PCDH19: variants seen among roughly 807,000 people sequenced by gnomAD.
PCDH19 encodes protocadherin 19.
Under a neutral mutation model 46.2 loss-of-function variants are expected in PCDH19, and 6 were observed. The ratio of observed to expected loss-of-function variants is 0.13; its 90% CI spans 0.07 to 0.26. The LOEUF is 0.26. PCDH19 is among the 10% of genes least tolerant of loss of function. The pLI, the probability that PCDH19 is intolerant of heterozygous loss-of-function variation, is 1.00. For missense variants in PCDH19, 740 were observed against 972.3 expected (o/e 0.76, Z 3.18); for synonymous variants, 481 against 415.7 (o/e 1.16, Z -1.91).
chrX:100,326,397 A>C lies in PCDH19; in HGVS notation c.2848+15506T>G, dbSNP rs759696592. On this transcript the variant is annotated intron_variant, in intron 5 of 5. Coordinates refer to ENST00000373034, the MANE Select transcript of PCDH19 (RefSeq NM_001184880.2). Reference sequence around the variant, plus strand: ...TTCTTTGCAGTGTGGCTTTTTTAGAAAATAAACTAAAAATGAAAAATGCAT... The same window carrying C: ...TTCTTTGCAGTGTGGCTTTTTTAGACAATAAACTAAAAATGAAAAATGCAT... Among the ~76,000 whole-genome samples the C allele has an allele frequency of 1.8e-4, 20 of 112,321 alleles. No individual in the cohort carries two copies. The South Asian group carries it at 1.9e-3, about 11-fold the overall frequency.
At chrX:100,396,070 C>T (rs1334689377) in intron 3 of PCDH19, among the ~76,000 whole-genome samples, 1 of 111,379 alleles carries the variant, frequency 9.0e-6, no homozygotes, top group Non-Finnish European at 1.9e-5. Flanking sequence ...CTTGTAAAAA[C>T]GGCTTTATTT....
At chrX:100,373,852 G>A (rs765914039) in intron 3 of PCDH19, among the ~76,000 whole-genome samples, 21 of 112,997 alleles carry the variant, frequency 1.9e-4, no homozygotes, top group African/African-American at 5.8e-4. Context: ...AAGCCAGAGG[G>A]ATGGTCTCTT....
intron 5 of PCDH19, among the ~76,000 whole-genome samples, chrX:100,311,112 C>G (rs1266348589): frequency 9.0e-6 from 1 of 110,841 alleles, no homozygotes; most frequent in African/African-American, 3.3e-5. Flanking sequence ...TCAGGAGTAG[C>G]AGGGTTTACA....
intron 4 of PCDH19, among the ~76,000 whole-genome samples, chrX:100,347,373 C>A (rs1926436156): frequency 8.9e-6 from 1 of 111,771 alleles, no homozygotes; most frequent in South Asian, 3.8e-4. Context: ...ACTCTCAAGT[C>A]AATGTTCCCT....
At chrX:100,314,132 G>A (rs759822464) in intron 5 of PCDH19, among the ~76,000 whole-genome samples, 14 of 111,781 alleles carry the variant, frequency 1.3e-4, no homozygotes, top group African/African-American at 4.2e-4. Flanking sequence ...CATGAGTAAC[G>A]ATTTTACGGA....
At chrX:100,402,940 C>T (rs1928236768) in intron 2 of PCDH19, 89 bp from the exon 3 acceptor site, 1 of 673,735 alleles carries the variant, frequency 1.5e-6, no homozygotes. Flanking sequence ...GAGGGTTGCA[C>T]CCCATCTCCG....
At chrX:100,321,800 TTTTTTC>T (rs1291393829) in intron 5 of PCDH19, among the ~76,000 whole-genome samples, 5 of 27,919 alleles carry the variant, frequency 1.8e-4, no homozygotes, top group Non-Finnish European at 4.1e-4. Context: ...TTTTTTTTTT[TTTTTTC>T]TGAGACAGAG....
chrX:100,396,558 T>C (rs771923855), intron 3 of PCDH19, among the ~76,000 whole-genome samples: 2 of 111,977 alleles, frequency 1.8e-5, no homozygotes, highest in African/African-American at 6.5e-5. Context: ...TGAGCTCAAC[T>C]TCAGTGAAGG....
Position 100,294,650 on chromosome X carries a change from A to C in PCDH19, c.*1627T>G, listed in dbSNP as rs903042640. On this transcript the variant is annotated 3_prime_UTR_variant, in exon 6 of 6. Transcript: ENST00000373034. Reference sequence around the variant, plus strand: ...TCCTGAATTTCAAAAAATGAAACAAATGAAAACAGAACCATAAAACTTGTT... The same window carrying C: ...TCCTGAATTTCAAAAAATGAAACAACTGAAAACAGAACCATAAAACTTGTT... 4 of 111,884 alleles carry C rather than the reference A, an allele frequency of 3.6e-5. No homozygotes were observed. The highest frequency in any genetic ancestry group is 1.3e-4 in the African/African-American group (4 of 30,755). 9.2% of individuals were successfully genotyped at this position (111,884 alleles called of 1,213,427 possible). A position where few individuals can be genotyped will look rare whatever the true frequency, so the allele number is the denominator to read the frequency against.
intron 3 of PCDH19, among the ~76,000 whole-genome samples, chrX:100,360,050 TTCTA>T (rs1186375331): frequency 8.9e-6 from 1 of 111,909 alleles, no homozygotes; most frequent in Non-Finnish European, 1.9e-5. Flanking sequence ...AGAGTACAAT[TTCTA>T]TTGAGTAAGC....
In PCDH19 at chrX:100,406,050, G is replaced by C. The variant is rs1300549536; in HGVS notation, c.2147+401C>G. Among the ~76,000 whole-genome samples, 13 of 110,230 alleles carry C rather than the reference G, an allele frequency of 1.2e-4. No homozygotes were observed. The Admixed American group carries it at 1.3e-3, about 11-fold the overall frequency. On this transcript the variant is annotated intron_variant, in intron 1 of 5. Coordinates refer to ENST00000373034, the MANE Select transcript of PCDH19 (RefSeq NM_001184880.2). ...CTCCCTCTCCTTTCATTCAGTACCT[G>C]TCCCAAAAACACTGTGCCCCAGACA... is the stretch of plus-strand genomic sequence containing the variant.
At chrX:100,361,815 G>A (rs1020316240) in intron 3 of PCDH19, among the ~76,000 whole-genome samples, 1 of 110,882 alleles carries the variant, frequency 9.0e-6, no homozygotes, top group African/African-American at 3.3e-5. Context: ...TTAGGATTCT[G>A]GAAAATGCAG....
chrX:100,305,305 TTTTG>T (rs1569286775), intron 5 of PCDH19, among the ~76,000 whole-genome samples: 3 of 111,843 alleles, frequency 2.7e-5, no homozygotes, highest in African/African-American at 9.7e-5. Flanking sequence ...CAGCCAAGAA[TTTTG>T]TATCCAGTGA....
intron 5 of PCDH19, among the ~76,000 whole-genome samples, chrX:100,338,234 T>A (rs1014151032): frequency 9.8e-6 from 1 of 102,563 alleles, no homozygotes; most frequent in Non-Finnish European, 2.0e-5. Flanking sequence ...CCCAGCTACT[T>A]GGGAGGCTGA....
At chrX:100,402,319 T>C (rs1027790788) in intron 3 of PCDH19, among the ~76,000 whole-genome samples, 1 of 112,232 alleles carries the variant, frequency 8.9e-6, no homozygotes, top group Non-Finnish European at 1.9e-5. Context: ...CCAATACCCA[T>C]ACCTACACAA....
intron 5 of PCDH19, among the ~76,000 whole-genome samples, chrX:100,334,457 G>A (rs998876113): frequency 6.3e-5 from 7 of 111,710 alleles, no homozygotes; most frequent in African/African-American, 2.3e-4. Context: ...TGGGACTAGT[G>A]TACATTTCCA....
rs1204426227 is a variant in PCDH19, at chrX:100,408,115, A to G, written c.483T>C (p.Phe161=). The G allele has an allele frequency of 1.7e-6, 2 of 1,211,139 alleles. No homozygotes were observed. The change falls in exon 1 of 6, where the codon TTT becomes TTC. Residue 161 remains phenylalanine, a synonymous_variant. Coordinates refer to ENST00000373034, the MANE Select transcript of PCDH19 (RefSeq NM_001184880.2). ...GCGTGAGCTCGTAAGTCTGCACGCC[A>G]AAGCTTCCTGAGTCTGGATCGTAAG... ...DSAYDPDSGS[F]GVQTYELTPN... is the part of the protein sequence containing the mutation.
intron 3 of PCDH19, among the ~76,000 whole-genome samples, chrX:100,397,667 A>G (rs1928063822): frequency 8.9e-6 from 1 of 111,970 alleles, no homozygotes; most frequent in Non-Finnish European, 1.9e-5. Flanking sequence ...AGGCAAGAAG[A>G]AGCCTCACCC....
At chrX:100,333,112 GGGAAGGAAGGAAGGAAGGAA>G (rs778212504) in intron 5 of PCDH19, among the ~76,000 whole-genome samples, 41 of 34,910 alleles carry the variant, frequency 1.2e-3, no homozygotes, top group East Asian at 3.4e-3. Context: ...GAAGGAGGGA[GGGAAGGAAGGAAGGAAGGAA>G]GGAAGGAAGG....
Sources: gnomAD v4.1 joint callset for allele counts (sites outside exome capture counted in the v4.1 genomes callset) on GRCh38, gnomAD v4.1.1 for gene constraint, MANE v1.5 for transcripts, NCBI Gene and HGNC (gene_info 2026-07-23, HGNC 2026-07-21) for gene names.